The following RBFOX1 variants were observed in gnomAD, a reference collection of about 807,000 sequenced individuals.
RBFOX1 encodes RNA binding fox-1 homolog 1.
In RBFOX1, 8 loss-of-function variants were observed where a neutral mutation model predicts 57.7. That is an observed-to-expected ratio of 0.14 (90% CI 0.08 to 0.25). The LOEUF (loss-of-function observed/expected upper bound fraction) is 0.25, where lower values mean the gene tolerates loss of function less well. Ranked by LOEUF, RBFOX1 falls within the 10% of genes least tolerant of loss-of-function variation. The probability of loss-of-function intolerance (pLI) is 1.00; values close to 1 mark genes in which losing one functional copy is unlikely to be tolerated. For missense variants in RBFOX1, 611 were observed against 548.5 expected (o/e 1.11, Z -1.14); for synonymous variants, 326 against 222.4 (o/e 1.47, Z -4.15).
chr16:5,511,961 T>C (rs146744311), intron 2 of RBFOX1, among the ~76,000 whole-genome samples: 49 of 152,316 alleles, frequency 3.2e-4, no homozygotes, highest in African/African-American at 1.0e-3. Flanking sequence ...AAGTTTCATA[T>C]TGATGATAAA....
intron 1 of RBFOX1, among the ~76,000 whole-genome samples, chr16:6,201,587 AG>A (rs1265783859): frequency 2.0e-5 from 3 of 152,248 alleles, no homozygotes; most frequent in Non-Finnish European, 4.4e-5. Context: ...AGAATGAATG[AG>A]GTCTAATGTT....
At chr16:6,676,577 G>A (rs958544474) in intron 3 of RBFOX1, among the ~76,000 whole-genome samples, 4 of 151,270 alleles carry the variant, frequency 2.6e-5, no homozygotes, top group Non-Finnish European at 5.9e-5. Flanking sequence ...AAGCTATTTC[G>A]TATTGATAGG....
At chr16:6,822,248 T>C (rs966634390) in intron 3 of RBFOX1, among the ~76,000 whole-genome samples, 2 of 152,174 alleles carry the variant, frequency 1.3e-5, no homozygotes, top group African/African-American at 4.8e-5. Flanking sequence ...CCCTTGAGTA[T>C]CAATGCTCAG....
intron 3 of RBFOX1, among the ~76,000 whole-genome samples, chr16:5,826,251 C>T (rs1307099516): frequency 6.6e-6 from 1 of 151,714 alleles, no homozygotes; most frequent in Admixed American, 6.6e-5. Context: ...CTTCCCTTAG[C>T]ACTTTTTATC....
chr16:5,574,819 G>A lies in RBFOX1; in HGVS notation c.259-24083G>A, dbSNP rs190987492. ...GTGAACTCTGGAAAGGCATTATTTTGTTGTCTCATTTTGCAAGAAAGGCTT... is the reference window on the plus strand; with the variant it reads ...GTGAACTCTGGAAAGGCATTATTTTATTGTCTCATTTTGCAAGAAAGGCTT... On this transcript the variant is annotated intron_variant, in intron 2 of 2. Transcript: ENST00000585867. 1.4e-4 allele frequency among the ~76,000 whole-genome samples: 21 copies of A among 152,296 alleles called. No individual in the cohort carries two copies. The South Asian group carries it at 3.7e-3, about 27-fold the overall frequency.
chr16:6,622,640 A>G (rs1056517529), intron 2 of RBFOX1, among the ~76,000 whole-genome samples: 3 of 152,256 alleles, frequency 2.0e-5, no homozygotes, highest in Non-Finnish European at 4.4e-5. Flanking sequence ...AAATAAATGA[A>G]TATATGAATA....
intron 2 of RBFOX1, among the ~76,000 whole-genome samples, chr16:6,628,806 C>A (rs193272413): frequency 1.2e-4 from 19 of 152,266 alleles, no homozygotes; most frequent in African/African-American, 4.3e-4. Flanking sequence ...TAGGTATGAT[C>A]TGTATGTTTA....
chr16:6,993,042 G>A (rs2091751473), intron 3 of RBFOX1, among the ~76,000 whole-genome samples: 3 of 152,190 alleles, frequency 2.0e-5, no homozygotes, highest in South Asian at 4.1e-4. Flanking sequence ...TTTTAATTTC[G>A]CAGCTGGAGC....
At chr16:6,586,238 G>C (rs930590146) in intron 2 of RBFOX1, among the ~76,000 whole-genome samples, 5 of 152,164 alleles carry the variant, frequency 3.3e-5, no homozygotes, top group African/African-American at 1.2e-4. Flanking sequence ...CAGATAGGTA[G>C]GTGTGAAAAC....
intron 9 of RBFOX1, 132 bp from the exon 10 acceptor site, chr16:7,607,153 C>G: frequency 1.4e-6 from 1 of 721,410 alleles, no homozygotes; most frequent in South Asian, 2.4e-5. Flanking sequence ...TTATGCATGC[C>G]CAAACGACAC....
At chr16:5,533,655 C>T (rs577941355) in intron 2 of RBFOX1, among the ~76,000 whole-genome samples, 19 of 152,268 alleles carry the variant, frequency 1.2e-4, no homozygotes, top group African/African-American at 4.3e-4. Flanking sequence ...TTTAAAGTAA[C>T]TGGGTTCTCA....
intron 4 of RBFOX1, among the ~76,000 whole-genome samples, chr16:5,921,959 A>C (rs1029206036): frequency 6.6e-6 from 1 of 151,862 alleles, no homozygotes; most frequent in Non-Finnish European, 1.5e-5. Flanking sequence ...TGCGACTAGC[A>C]TGAGCAACAC....
At chr16:7,405,291 C>G (rs920784429) in intron 4 of RBFOX1, among the ~76,000 whole-genome samples, 2 of 152,246 alleles carry the variant, frequency 1.3e-5, no homozygotes, top group African/African-American at 4.8e-5. Flanking sequence ...AGGGCCTCTC[C>G]TGGTAGCCCC....
At chr16:7,427,528 C>T (rs2098632801) in intron 4 of RBFOX1, among the ~76,000 whole-genome samples, 1 of 152,196 alleles carries the variant, frequency 6.6e-6, no homozygotes, top group Non-Finnish European at 1.5e-5. Context: ...CTCTAACCAA[C>T]TTCTGAGACA....
At chr16:7,119,831 A>T (rs879292771) in intron 4 of RBFOX1, among the ~76,000 whole-genome samples, 2 of 152,168 alleles carry the variant, frequency 1.3e-5, no homozygotes, top group Admixed American at 1.3e-4. Context: ...GAAGTACTGA[A>T]CAACACCATC....
At chr16:6,036,585 C>T (rs2095368394) in intron 1 of RBFOX1, among the ~76,000 whole-genome samples, 1 of 146,696 alleles carries the variant, frequency 6.8e-6, no homozygotes. Context: ...AAAGAAAAGG[C>T]CCTGGGTCAG....
chr16:5,447,206 G>C (rs1351710069), intron 1 of RBFOX1, among the ~76,000 whole-genome samples: 3 of 151,966 alleles, frequency 2.0e-5, no homozygotes, highest in Non-Finnish European at 2.9e-5. Context: ...GTATTGTCCT[G>C]CCACCTTCTT....
chr16:5,352,772 G>A (rs372611014), intron 1 of RBFOX1, among the ~76,000 whole-genome samples: 1 of 151,532 alleles, frequency 6.6e-6, no homozygotes, highest in Non-Finnish European at 1.5e-5. Flanking sequence ...GCAGAAACCT[G>A]TCCCTACAAA....
At position 7,032,652 on chromosome 16, in the gene RBFOX1, G is replaced by C. The variant is rs962165322; in HGVS notation, c.-15-19405G>C. ...TCCCTCCTCAAGCTAATTGCTTGATGGAATTAAAGACGATAATCTCTAATA... is the reference window on the plus strand; with the variant it reads ...TCCCTCCTCAAGCTAATTGCTTGATCGAATTAAAGACGATAATCTCTAATA... On this transcript the variant is annotated intron_variant, in intron 3 of 15. Coordinates refer to ENST00000550418, the MANE Select transcript of RBFOX1 (RefSeq NM_018723.4). 1.3e-5 allele frequency among the ~76,000 whole-genome samples: 2 copies of C among 151,850 alleles called. 1 individual carries two copies. Among genetic ancestry groups the C allele is most frequent in the Non-Finnish European group, 2.9e-5 (2 of 68,008 alleles).
Sources: gnomAD v4.1 joint callset for allele counts (sites outside exome capture counted in the v4.1 genomes callset) on GRCh38, gnomAD v4.1.1 for gene constraint, MANE v1.5 for transcripts, NCBI Gene and HGNC (gene_info 2026-07-23, HGNC 2026-07-21) for gene names.